Variants in USP47 observed in about 807,000 individuals in gnomAD.
The protein encoded by USP47 is ubiquitin carboxyl-terminal hydrolase 47.
In USP47, 35 loss-of-function variants were observed where a neutral mutation model predicts 165.1. That is an observed-to-expected ratio of 0.21 (90% CI 0.16 to 0.28). The LOEUF is 0.28. USP47 is among the 10% of genes least tolerant of loss of function. The pLI is 1.00. For synonymous variants in USP47, 531 were observed against 544.5 expected (o/e 0.98, Z 0.35); for missense variants, 1,277 against 1,607.4 (o/e 0.79, Z 3.52).
At chr11:11,900,051 C>T (rs906678418) in intron 5 of USP47, among the ~76,000 whole-genome samples, 3 of 150,566 alleles carry the variant, frequency 2.0e-5, no homozygotes, top group South Asian at 2.1e-4. Flanking sequence ...GTAGAGCTAG[C>T]GTAAAAGGAT....
chr11:11,843,135 A>T (rs868759975), intron 1 of USP47, among the ~76,000 whole-genome samples: 10 of 152,180 alleles, frequency 6.6e-5, no homozygotes, highest in Non-Finnish European at 1.2e-4. Context: ...CAAGTGTTGG[A>T]TTGAAATTAA....
At chr11:11,938,234 G>T (rs1377936285) in intron 17 of USP47, 23 bp from the exon 18 acceptor site, 1 of 1,593,694 alleles carries the variant, frequency 6.3e-7, no homozygotes, top group Non-Finnish European at 8.6e-7. Flanking sequence ...CCAATTCTGT[G>T]TTTATGTCTT....
chr11:11,940,324 T>C (rs1185216637), intron 18 of USP47, 105 bp from the exon 19 acceptor site: 2 of 1,192,284 alleles, frequency 1.7e-6, no homozygotes, highest in African/African-American at 3.1e-5. Flanking sequence ...TGTTTCTCTC[T>C]GCTGCTTTTA....
intron 1 of USP47, among the ~76,000 whole-genome samples, chr11:11,872,165 C>T (rs561091785): frequency 2.0e-5 from 3 of 152,262 alleles, no homozygotes; most frequent in Admixed American, 1.3e-4. Flanking sequence ...TGAAAGCTTC[C>T]TCACTCAACA....
chr11:11,842,140 C>T lies in USP47; in HGVS notation c.-46C>T, dbSNP rs1848154298. Reference sequence around the variant, plus strand: ...CTTGAGCTAGCGAGCCGCCGCCACCCTCCACCCTCCCCCGGCAGGGCGGAG... The same window carrying T: ...CTTGAGCTAGCGAGCCGCCGCCACCTTCCACCCTCCCCCGGCAGGGCGGAG... On this transcript the variant is annotated 5_prime_UTR_variant, in exon 1 of 28. Transcript: ENST00000527733. 6.5e-7 allele frequency: 1 copy of T among 1,549,728 alleles called. No individual in the cohort carries two copies. Among genetic ancestry groups the T allele is most frequent in the Non-Finnish European group, 8.7e-7 (1 of 1,145,834 alleles).
At chr11:11,890,064 A>G (rs1851415574) in intron 3 of USP47, among the ~76,000 whole-genome samples, 1 of 152,204 alleles carries the variant, frequency 6.6e-6, no homozygotes, top group Non-Finnish European at 1.5e-5. Context: ...AGACAGATTA[A>G]AGACTTCAAT....
intron 8 of USP47, among the ~76,000 whole-genome samples, chr11:11,913,623 AGAGAGG>A (rs1377228402): frequency 6.6e-6 from 1 of 152,064 alleles, no homozygotes; most frequent in Non-Finnish European, 1.5e-5. Flanking sequence ...AGTGTGTTTG[AGAGAGG>A]CGGGGATAAA....
intron 24 of USP47, chr11:11,950,994 T>C (rs1274461153): frequency 3.9e-5 from 6 of 152,536 alleles, no homozygotes; most frequent in Admixed American, 2.0e-4. Context: ...ATTTGTGTCC[T>C]AAGCCAGGTG....
intron 3 of USP47, among the ~76,000 whole-genome samples, chr11:11,890,103 GA>G (rs1851418245): frequency 6.6e-6 from 1 of 151,910 alleles, no homozygotes; most frequent in Non-Finnish European, 1.5e-5. Flanking sequence ...CAAAACCTTA[GA>G]AAAAAATCTA....
At chr11:11,944,674 G>A (rs1056683075) in intron 20 of USP47, among the ~76,000 whole-genome samples, 1 of 152,174 alleles carries the variant, frequency 6.6e-6, no homozygotes, top group African/African-American at 2.4e-5. Context: ...GCCAGGATGA[G>A]ACTCAGATAT....
At chr11:11,915,100 T>C (rs1387078103) in intron 8 of USP47, among the ~76,000 whole-genome samples, 1 of 152,184 alleles carries the variant, frequency 6.6e-6, no homozygotes, top group African/African-American at 2.4e-5. Flanking sequence ...AGTAAGTGAA[T>C]GGTTTAACAA....
intron 21 of USP47, 117 bp from the exon 22 acceptor site, chr11:11,948,361 T>A (rs949112446): frequency 5.5e-6 from 5 of 911,580 alleles, no homozygotes; most frequent in African/African-American, 5.0e-5. Context: ...GTAAAAGATA[T>A]GCCTGTTCTC....
chr11:11,866,295 A>T (rs1779746608), intron 1 of USP47, among the ~76,000 whole-genome samples: 1 of 152,230 alleles, frequency 6.6e-6, no homozygotes, highest in Admixed American at 6.5e-5. Context: ...AACTAGATCC[A>T]ATAACAAAGG....
chr11:11,888,017 A>T (rs1038066840), intron 3 of USP47, among the ~76,000 whole-genome samples: 1 of 152,186 alleles, frequency 6.6e-6, no homozygotes, highest in African/African-American at 2.4e-5. Flanking sequence ...GAAACTGATA[A>T]GAACAAAGAG....
At chr11:11,948,718 A>G in intron 22 of USP47, 160 bp downstream of exon 22, 1 of 592,548 alleles carries the variant, frequency 1.7e-6, no homozygotes, top group Non-Finnish European at 3.0e-6. Flanking sequence ...TGTTGCAGTT[A>G]CTCACTTCTG....
intron 8 of USP47, among the ~76,000 whole-genome samples, chr11:11,913,388 A>G (rs759119758): frequency 6.6e-6 from 1 of 151,932 alleles, no homozygotes; most frequent in Non-Finnish European, 1.5e-5. Context: ...TGAAGTTTAA[A>G]ATACAATACC....
intron 27 of USP47, among the ~76,000 whole-genome samples, 176 bp from the exon 28 acceptor site, chr11:11,955,825 A>G (rs1856527359): frequency 6.6e-6 from 1 of 152,262 alleles, no homozygotes; most frequent in Non-Finnish European, 1.5e-5. Context: ...GAAGTAAGCA[A>G]TATGTTCCTG....
rs748285989 is a variant in USP47, at chr11:11,930,692, C to T, written c.1596-4C>T. 6.3e-7 allele frequency: 1 copy of T among 1,597,792 alleles called. No individual in the cohort carries two copies. Among genetic ancestry groups the T allele is most frequent in the African/African-American group, 1.3e-5 (1 of 74,118 alleles). On this transcript the variant is annotated splice_region_variant and splice_polypyrimidine_tract_variant and intron_variant, in intron 13 of 27. Transcript: ENST00000527733. Reference sequence around the variant, plus strand: ...CTTATTAATCTTTTTTATGTTTCTACTAGTTCCACAAATGCATATATGCTG... The same window carrying T: ...CTTATTAATCTTTTTTATGTTTCTATTAGTTCCACAAATGCATATATGCTG...
intron 3 of USP47, among the ~76,000 whole-genome samples, chr11:11,885,569 G>C (rs1851104795): frequency 6.6e-6 from 1 of 152,226 alleles, no homozygotes; most frequent in East Asian, 1.9e-4. Flanking sequence ...CCAGGGTCTT[G>C]GGTCCAATAC....
Sources: gnomAD v4.1 joint callset for allele counts (sites outside exome capture counted in the v4.1 genomes callset) on GRCh38, gnomAD v4.1.1 for gene constraint, MANE v1.5 for transcripts, NCBI Gene and HGNC (gene_info 2026-07-23, HGNC 2026-07-21) for gene names.